The following NDST3 variants were observed in gnomAD, a reference collection of about 807,000 sequenced individuals.
The protein encoded by NDST3 is bifunctional heparan sulfate N-deacetylase/N-sulfotransferase 3.
Under a neutral mutation model 96.1 loss-of-function variants are expected in NDST3, and 58 were observed. The ratio of observed to expected loss-of-function variants is 0.60; its 90% CI spans 0.49 to 0.75. The LOEUF is 0.75. Ranked by LOEUF, NDST3 falls within the 30% of genes least tolerant of loss-of-function variation. NDST3 has a pLI of 0.00. For missense variants in NDST3, 788 were observed against 1,034.2 expected, an observed-to-expected ratio of 0.76 and a Z score of 3.27; for synonymous variants, 333 against 359.7, an observed-to-expected ratio of 0.93 and a Z score of 0.84.
At position 118,185,163 on chromosome 4, in the gene NDST3, A is replaced by ACATTT. The variant is rs200802147; in HGVS notation, c.1540-39327_1540-39323dup. On this transcript the variant is annotated intron_variant, in intron 6 of 13. Coordinates refer to ENST00000296499, the MANE Select transcript of NDST3 (RefSeq NM_004784.3). ...AAATGATGGGTACATATGCTACTGT[A>ACATTT]CATTTTTTAAATGTATATTGAATTT... 1.3e-3 allele frequency among the ~76,000 whole-genome samples: 191 copies of ACATTT among 152,260 alleles called. 3 individuals carry two copies. The East Asian group carries it at 0.035, about 28-fold the overall frequency.
intron 3 of NDST3, among the ~76,000 whole-genome samples, chr4:118,110,379 C>T (rs1313854480): frequency 6.6e-6 from 1 of 152,182 alleles, no homozygotes; most frequent in Non-Finnish European, 1.5e-5. Context: ...AATTTCAATT[C>T]AGGCTCTGTC....
chr4:118,042,862 A>ATC (rs4001572), intron 1 of NDST3, among the ~76,000 whole-genome samples: 1 of 151,814 alleles, frequency 6.6e-6, no homozygotes, highest in Non-Finnish European at 1.5e-5. Context: ...AGCTTCACTA[A>ATC]TCTCTCTCTC....
intron 3 of NDST3, among the ~76,000 whole-genome samples, chr4:118,111,605 T>C (rs983536873): frequency 6.6e-6 from 1 of 151,576 alleles, no homozygotes; most frequent in Non-Finnish European, 1.5e-5. Context: ...GACGCCATCT[T>C]AGCTCACTGC....
chr4:118,054,565 G>T lies in NDST3; in HGVS notation c.655G>T (p.Asp219Tyr). 6.2e-7 allele frequency: 1 copy of T among 1,613,330 alleles called. No individual in the cohort carries two copies. The highest frequency in any genetic ancestry group is 8.5e-7 in the Non-Finnish European group (1 of 1,179,492). ...TGAAAAAGGTTCTTTACCTGGAACTGACTGGACAGTTTTTCAGATTAATCA... is the reference window on the plus strand; with the variant it reads ...TGAAAAAGGTTCTTTACCTGGAACTTACTGGACAGTTTTTCAGATTAATCA... ...KLEKGSLPGT[D>Y]WTVFQINHSA... is the part of the protein sequence containing the mutation. Residue 219 changes from aspartate (D) to tyrosine (Y), a missense_variant, in exon 2 of 14, where the codon GAC becomes TAC. This residue lies in a region of NDST3 where 234 missense variants were observed against 256.9 expected (regional missense o/e 0.91). Transcript: ENST00000296499.
intron 6 of NDST3, among the ~76,000 whole-genome samples, chr4:118,195,897 G>A (rs1737652330): frequency 6.6e-6 from 1 of 152,178 alleles, no homozygotes; most frequent in South Asian, 2.1e-4. Flanking sequence ...AATAACAGTG[G>A]TGAAAGTGGG....
In NDST3 at chr4:118,129,438, CA is replaced by C. The variant is rs1732411431; in HGVS notation, c.1225-8615del. 4.0e-5 allele frequency among the ~76,000 whole-genome samples: 6 copies of C among 151,810 alleles called. No individual in the cohort carries two copies. In the South Asian group the frequency reaches 1.2e-3, roughly 31 times the overall value. Reference sequence around the variant, plus strand: ...TTTTCAATTTCCATCTTAATTTTTTCATTGACCCACTGATCATTCAAGAGCA... The same window carrying C: ...TTTTCAATTTCCATCTTAATTTTTTCTTGACCCACTGATCATTCAAGAGCA... On this transcript the variant is annotated intron_variant, in intron 4 of 13. Coordinates refer to ENST00000296499, the MANE Select transcript of NDST3 (RefSeq NM_004784.3).
chr4:118,073,902 G>A (rs1727284141), intron 2 of NDST3, among the ~76,000 whole-genome samples: 1 of 152,010 alleles, frequency 6.6e-6, no homozygotes, highest in East Asian at 1.9e-4. Context: ...AACTTTTTAT[G>A]TGAGCATTTA....
intron 4 of NDST3, among the ~76,000 whole-genome samples, chr4:118,120,205 G>C (rs1731444522): frequency 6.6e-6 from 1 of 152,128 alleles, no homozygotes; most frequent in African/African-American, 2.4e-5. Flanking sequence ...GGTATGATGA[G>C]TCCAGTAGAT....
rs71608353 is a variant in NDST3, at chr4:118,224,680, T to A, written c.1722+7T>A. On this transcript the variant is annotated splice_region_variant and intron_variant, in intron 7 of 13. Transcript: ENST00000296499. The stretch of plus-strand genomic sequence containing the variant: ...GAAAGACCCTCTCTGGCAGGTAAAA[T>A]TAATTAAATAATTGATATAACCAGT... 20 of 1,569,276 alleles carry A rather than the reference T, an allele frequency of 1.3e-5. No homozygotes were observed. Among genetic ancestry groups the A allele is most frequent in the Non-Finnish European group, 1.6e-5 (18 of 1,157,160 alleles).
At chr4:118,169,965 C>T (rs1359058833) in intron 6 of NDST3, among the ~76,000 whole-genome samples, 2 of 151,916 alleles carry the variant, frequency 1.3e-5, no homozygotes, top group Non-Finnish European at 2.9e-5. Flanking sequence ...TGATCTTTAC[C>T]GGGGGGCTTA....
At chr4:118,126,268 T>A (rs540832567) in intron 4 of NDST3, among the ~76,000 whole-genome samples, 1 of 152,092 alleles carries the variant, frequency 6.6e-6, no homozygotes, top group Admixed American at 6.6e-5. Context: ...CCCTGCAACA[T>A]CTACTATCCT....
At chr4:118,089,139 T>C (rs1327301582) in intron 2 of NDST3, among the ~76,000 whole-genome samples, 5 of 151,964 alleles carry the variant, frequency 3.3e-5, no homozygotes, top group Non-Finnish European at 7.4e-5. Context: ...TAAAATGAAT[T>C]CCTAAAGATA....
At chr4:118,070,860 A>G (rs939458636) in intron 2 of NDST3, among the ~76,000 whole-genome samples, 6 of 151,402 alleles carry the variant, frequency 4.0e-5, no homozygotes, top group Non-Finnish European at 2.9e-5. Context: ...AAGTGTTCTC[A>G]TTGTTCAATT....
chr4:118,072,989 G>A (rs1727209829), intron 2 of NDST3, among the ~76,000 whole-genome samples: 1 of 151,962 alleles, frequency 6.6e-6, no homozygotes, highest in South Asian at 2.1e-4. Flanking sequence ...ATAATCATGT[G>A]GTTTTTGTTT....
chr4:118,169,139 AG>A (rs1735753875), intron 6 of NDST3, among the ~76,000 whole-genome samples: 1 of 151,630 alleles, frequency 6.6e-6, no homozygotes, highest in African/African-American at 2.4e-5. Flanking sequence ...ATTTTTAAAA[AG>A]AAAAAAAGAA....
intron 6 of NDST3, among the ~76,000 whole-genome samples, chr4:118,145,741 G>A (rs1361319065): frequency 1.3e-5 from 2 of 152,048 alleles, no homozygotes; most frequent in Non-Finnish European, 1.5e-5. Context: ...TGGGGGAGCC[G>A]CACAAAACTT....
intron 6 of NDST3, among the ~76,000 whole-genome samples, chr4:118,158,391 A>C (rs1347691817): frequency 6.6e-6 from 1 of 152,174 alleles, no homozygotes; most frequent in Non-Finnish European, 1.5e-5. Flanking sequence ...ATCAGCTAAA[A>C]GTGCTCTTGA....
intron 6 of NDST3, among the ~76,000 whole-genome samples, chr4:118,217,262 T>G (rs571431394): frequency 5.5e-4 from 84 of 152,166 alleles, no homozygotes; most frequent in Non-Finnish European, 1.1e-3. Context: ...TGGTTTGCCC[T>G]GAGCACAGAA....
chr4:118,137,074 T>C (rs1233099937), intron 4 of NDST3, among the ~76,000 whole-genome samples: 1 of 152,238 alleles, frequency 6.6e-6, no homozygotes. Context: ...TCCATATCAG[T>C]TGGCTGCATA....
Sources: gnomAD v4.1 joint callset for allele counts (sites outside exome capture counted in the v4.1 genomes callset) on GRCh38, gnomAD v4.1.1 for gene constraint, gnomAD v4.1.1 regional missense constraint, MANE v1.5 for transcripts, NCBI Gene and HGNC (gene_info 2026-07-23, HGNC 2026-07-21) for gene names.